CDRT4: variants seen among roughly 807,000 people sequenced by gnomAD.
The protein encoded by CDRT4 is CMT1A duplicated region transcript 4 protein.
For synonymous variants in CDRT4, 64 were observed against 69.6 expected, an observed-to-expected ratio of 0.92 and a Z score of 0.40; for missense variants, 167 against 193.1, an observed-to-expected ratio of 0.87 and a Z score of 0.80.
chr17:15,451,709 G>A lies in CDRT4; in HGVS notation c.-48+1295C>T, dbSNP rs564131406. 2.6e-5 allele frequency among the ~76,000 whole-genome samples: 4 copies of A among 152,308 alleles called. No individual in the cohort carries two copies. In the South Asian group the frequency reaches 8.3e-4, roughly 32 times the overall value. Reference sequence around the variant, plus strand: ...TGTGTCCCTGATCTTCACATGGGTTGTTCCTGCTTAGAAGTCAGGATTCAG... The same window carrying A: ...TGTGTCCCTGATCTTCACATGGGTTATTCCTGCTTAGAAGTCAGGATTCAG... On this transcript the variant is annotated intron_variant, in intron 2 of 3. Coordinates refer to ENST00000619038, the MANE Select transcript of CDRT4 (RefSeq NM_001204477.2).
intron 2 of CDRT4, among the ~76,000 whole-genome samples, chr17:15,446,638 C>T (rs1200739120): frequency 6.6e-6 from 1 of 152,064 alleles, no homozygotes; most frequent in Non-Finnish European, 1.5e-5. Context: ...ATACAGTGGG[C>T]CATTTGGTAG....
chr17:15,451,046 C>T (rs565829310), intron 2 of CDRT4, among the ~76,000 whole-genome samples: 14 of 152,230 alleles, frequency 9.2e-5, no homozygotes, highest in African/African-American at 3.1e-4. Flanking sequence ...TGGCTATGTC[C>T]CCACCCAAAT....
At chr17:15,458,399 ACAGT>A (rs1979584088) in intron 1 of CDRT4, among the ~76,000 whole-genome samples, 1 of 152,246 alleles carries the variant, frequency 6.6e-6, no homozygotes, top group Admixed American at 6.5e-5. Context: ...AAGATTTCTC[ACAGT>A]CAGAGTGGAG....
chr17:15,444,072 G>C, intron 2 of CDRT4: 2 of 1,054,406 alleles, frequency 1.9e-6, no homozygotes, highest in Non-Finnish European at 2.9e-6. Flanking sequence ...CATTGAGCTT[G>C]TTTCAAATTC....
At chr17:15,448,260 C>T (rs1328439666) in intron 2 of CDRT4, among the ~76,000 whole-genome samples, 2 of 152,198 alleles carry the variant, frequency 1.3e-5, no homozygotes, top group Non-Finnish European at 2.9e-5. Flanking sequence ...CCAGTCTCCA[C>T]TTCTAAGGAA....
In CDRT4 at chr17:15,464,537, G is replaced by C. The variant is rs1316859386; in HGVS notation, c.-130+2923C>G. Among the ~76,000 whole-genome samples the C allele has an allele frequency of 6.6e-6, 1 of 152,062 alleles. No homozygotes were observed. Among genetic ancestry groups the C allele is most frequent in the African/African-American group, 2.4e-5 (1 of 41,396 alleles). ...TAGCAATCTGAGAGCTGGGTAACAAGTCCTGGGGTGGGGTTTCTGTGTCCT... is the reference window on the plus strand; with the variant it reads ...TAGCAATCTGAGAGCTGGGTAACAACTCCTGGGGTGGGGTTTCTGTGTCCT... On this transcript the variant is annotated intron_variant, in intron 1 of 3. Transcript: ENST00000619038. The surrounding 1 kb of genome is among the most constrained non-coding windows in gnomAD (Gnocchi z 4.5).
intron 2 of CDRT4, among the ~76,000 whole-genome samples, chr17:15,451,796 T>C (rs1232461021): frequency 6.6e-6 from 1 of 152,152 alleles, no homozygotes; most frequent in Non-Finnish European, 1.5e-5. Flanking sequence ...CACTATCACA[T>C]CTCCTATTTT....
At chr17:15,456,627 A>G (rs1410172528) in intron 1 of CDRT4, among the ~76,000 whole-genome samples, 1 of 151,648 alleles carries the variant, frequency 6.6e-6, no homozygotes, top group Non-Finnish European at 1.5e-5. Flanking sequence ...AGAATCCAAC[A>G]GCACGGGGTC....
At chr17:15,460,677 T>A (rs1690028847) in intron 1 of CDRT4, among the ~76,000 whole-genome samples, 1 of 152,116 alleles carries the variant, frequency 6.6e-6, no homozygotes, top group Non-Finnish European at 1.5e-5. Context: ...GCTCCCACAC[T>A]TGCCCCCTGT....
chr17:15,464,153 C>T lies in CDRT4; in HGVS notation c.-130+3307G>A, dbSNP rs116765325. 3.8e-3 allele frequency among the ~76,000 whole-genome samples: 575 copies of T among 152,256 alleles called. 4 individuals are homozygous for T. Among genetic ancestry groups the T allele is most frequent in the Admixed American group, 0.017 (267 of 15,286 alleles). On this transcript the variant is annotated intron_variant, in intron 1 of 3. Coordinates refer to ENST00000619038, the MANE Select transcript of CDRT4 (RefSeq NM_001204477.2). This position sits in a 1 kb window ranked among gnomAD's most constrained non-coding sequence, Gnocchi z 4.5. ...GTGTGACCTTGGGTAACTTATTAAC[C>T]TCTCTGGCCGCGTTTTTCTCTGGTG...
chr17:15,443,696 C>A, intron 2 of CDRT4: 1 of 446,898 alleles, frequency 2.2e-6, no homozygotes, highest in South Asian at 1.8e-5. Context: ...CAACATTACT[C>A]TGAAGGGACA....
At chr17:15,440,511 T>C (rs1978710211) in intron 2 of CDRT4, among the ~76,000 whole-genome samples, 1 of 152,122 alleles carries the variant, frequency 6.6e-6, no homozygotes, top group South Asian at 2.1e-4. Context: ...ACTGTCATGA[T>C]AGTCTCTGGG....
At chr17:15,453,944 C>A (rs923177454) in intron 1 of CDRT4, among the ~76,000 whole-genome samples, 1 of 152,204 alleles carries the variant, frequency 6.6e-6, no homozygotes, top group Non-Finnish European at 1.5e-5. Context: ...GCACAGGGCA[C>A]AGGCACATGG....
In CDRT4 at chr17:15,454,891, A is replaced by G. The variant is rs143143869; in HGVS notation, c.-129-1806T>C. Among the ~76,000 whole-genome samples the G allele has an allele frequency of 3.4e-3, 511 of 152,290 alleles. 10 individuals are homozygous for G. Among genetic ancestry groups the G allele is most frequent in the Admixed American group, 0.021 (315 of 15,304 alleles). ...CCCCATAGTATGTTATGATGATCCA[A>G]TTGATGTAAGTAAAAGTATTCCATG... On this transcript the variant is annotated intron_variant, in intron 1 of 3. Coordinates refer to ENST00000619038, the MANE Select transcript of CDRT4 (RefSeq NM_001204477.2).
At position 15,436,725 on chromosome 17, in the gene CDRT4, T is replaced by C. The variant is rs1443244353; in HGVS notation, c.*1048A>G. ...GACACCCTGGTCCCCACTGCCACTTTGTTTGCCCTCCAAGGGAAAAACCTC... is the reference window on the plus strand; with the variant it reads ...GACACCCTGGTCCCCACTGCCACTTCGTTTGCCCTCCAAGGGAAAAACCTC... On this transcript the variant is annotated 3_prime_UTR_variant, in exon 4 of 4. Transcript: ENST00000619038. 1 of 152,200 alleles carries C rather than the reference T, an allele frequency of 6.6e-6. No homozygotes were observed. Among genetic ancestry groups the C allele is most frequent in the African/African-American group, 2.4e-5 (1 of 41,404 alleles). 9.4% of individuals were successfully genotyped at this position (152,200 alleles called of 1,614,324 possible).
chr17:15,450,456 A>C lies in CDRT4; in HGVS notation c.-48+2548T>G, dbSNP rs1334875752. Among the ~76,000 whole-genome samples the C allele has an allele frequency of 1.3e-5, 2 of 151,952 alleles. No individual in the cohort carries two copies. The highest frequency in any genetic ancestry group is 4.8e-5 in the African/African-American group (2 of 41,358). On this transcript the variant is annotated intron_variant, in intron 2 of 3. Transcript: ENST00000619038. This position sits in a 1 kb window ranked among gnomAD's most constrained non-coding sequence, Gnocchi z 4.2. ...GCAATGGTCATGGATAGAGTTGAGCACTCACTCTCACATTCTTGAAATGTT... is the reference window on the plus strand; with the variant it reads ...GCAATGGTCATGGATAGAGTTGAGCCCTCACTCTCACATTCTTGAAATGTT...
chr17:15,439,567 C>G (rs1978657284), intron 3 of CDRT4, among the ~76,000 whole-genome samples: 1 of 152,184 alleles, frequency 6.6e-6, no homozygotes, highest in Non-Finnish European at 1.5e-5. Context: ...AGTCCAAATT[C>G]AAACGCCTGG....
chr17:15,442,431 A>T (rs1354492652), intron 2 of CDRT4, among the ~76,000 whole-genome samples: 1 of 151,974 alleles, frequency 6.6e-6, no homozygotes, highest in Non-Finnish European at 1.5e-5. Flanking sequence ...AAAAAAAGAA[A>T]GAAAGAAATT....
chr17:15,451,759 C>G (rs546645617), intron 2 of CDRT4, among the ~76,000 whole-genome samples: 1 of 152,236 alleles, frequency 6.6e-6, no homozygotes, highest in African/African-American at 2.4e-5. Context: ...CCTCAGCCTT[C>G]CCTGACTATG....
Sources: allele counts gnomAD v4.1 joint callset (sites outside exome capture counted in the v4.1 genomes callset), GRCh38; gene constraint gnomAD v4.1.1; non-coding constraint Gnocchi (gnomAD v3.1); transcripts MANE v1.5; gene names NCBI Gene and HGNC (gene_info 2026-07-23, HGNC 2026-07-21).